The following PPP2R2B variants were observed in gnomAD, a reference collection of about 807,000 sequenced individuals.
PPP2R2B encodes the protein serine/threonine-protein phosphatase 2A 55 kDa regulatory subunit B beta isoform.
Under a neutral mutation model 46.0 loss-of-function variants are expected in PPP2R2B, and 5 were observed. The observed-to-expected ratio is 0.11, with a 90% CI of 0.06 to 0.23. PPP2R2B has a LOEUF of 0.23. Ranked by LOEUF, PPP2R2B falls within the 10% of genes least tolerant of loss-of-function variation. PPP2R2B has a pLI of 1.00. For missense variants in PPP2R2B, 367 were observed against 575.0 expected, an observed-to-expected ratio of 0.64 and a Z score of 3.70; for synonymous variants, 215 against 206.7, an observed-to-expected ratio of 1.04 and a Z score of -0.34.
intron 2 of PPP2R2B, among the ~76,000 whole-genome samples, chr5:147,077,195 TATTA>T (rs1472957031): frequency 2.1e-5 from 3 of 142,034 alleles, no homozygotes; most frequent in African/African-American, 8.2e-5. Context: ...GTATATTATA[TATTA>T]TATATGTACA....
chr5:146,988,704 G>T (rs1042822680), intron 1 of PPP2R2B, among the ~76,000 whole-genome samples: 65 of 151,326 alleles, frequency 4.3e-4, no homozygotes, highest in African/African-American at 1.6e-3. Context: ...ATACCTCAAG[G>T]AACTAGAAAA....
chr5:146,912,877 T>C (rs1170529274), intron 1 of PPP2R2B, among the ~76,000 whole-genome samples: 1 of 152,184 alleles, frequency 6.6e-6, no homozygotes, highest in Non-Finnish European at 1.5e-5. Context: ...GTCTCTTCAA[T>C]GTGTCAAGTA....
At chr5:146,771,778 C>A (rs1324145141) in intron 2 of PPP2R2B, among the ~76,000 whole-genome samples, 2 of 152,160 alleles carry the variant, frequency 1.3e-5, no homozygotes, top group Non-Finnish European at 2.9e-5. Context: ...TCCCCTACTG[C>A]AGTTAAAAGA....
intron 1 of PPP2R2B, among the ~76,000 whole-genome samples, chr5:146,963,269 T>C (rs1360072985): frequency 6.6e-6 from 1 of 152,204 alleles, no homozygotes; most frequent in Non-Finnish European, 1.5e-5. Flanking sequence ...AGGTTTTGTG[T>C]AGTGAAACAT....
chr5:146,816,401 AAAC>A (rs1218153596), intron 2 of PPP2R2B, among the ~76,000 whole-genome samples: 3 of 152,220 alleles, frequency 2.0e-5, no homozygotes, highest in Non-Finnish European at 4.4e-5. Flanking sequence ...CTATCTCCAA[AAAC>A]AACAATACTG....
At chr5:146,700,059 A>G (rs1345954741) in intron 3 of PPP2R2B, among the ~76,000 whole-genome samples, 1 of 152,164 alleles carries the variant, frequency 6.6e-6, no homozygotes, top group Admixed American at 6.5e-5. Context: ...TTAATTGCAA[A>G]TAATGTGCAA....
chr5:146,592,052 T>C, intron 9 of PPP2R2B: 1 of 414,750 alleles, frequency 2.4e-6, no homozygotes, highest in Non-Finnish European at 4.7e-6. Context: ...TAAATACCTA[T>C]AAATAAATAA....
intron 2 of PPP2R2B, among the ~76,000 whole-genome samples, chr5:146,863,650 A>G (rs1366353428): frequency 1.4e-5 from 2 of 147,840 alleles, no homozygotes; most frequent in African/African-American, 5.2e-5. Flanking sequence ...CTATCCATCC[A>G]TCCATCCATC....
chr5:146,810,106 C>T (rs886494338), intron 2 of PPP2R2B, among the ~76,000 whole-genome samples: 2 of 152,120 alleles, frequency 1.3e-5, no homozygotes, highest in African/African-American at 4.8e-5. Context: ...ATTTGCAAGC[C>T]TGACAATTAG....
At chr5:147,046,468 A>G (rs1756548858) in intron 1 of PPP2R2B, among the ~76,000 whole-genome samples, 1 of 152,198 alleles carries the variant, frequency 6.6e-6, no homozygotes, top group Admixed American at 6.6e-5. Context: ...TGACTCAGAA[A>G]ACTAATGAGC....
intron 2 of PPP2R2B, among the ~76,000 whole-genome samples, chr5:146,726,376 G>A (rs992907442): frequency 1.3e-5 from 2 of 152,146 alleles, no homozygotes; most frequent in African/African-American, 4.8e-5. Context: ...TGGCTCTAGC[G>A]AGTTTATAGT....
At chr5:146,925,481 A>G (rs1763752642) in intron 1 of PPP2R2B, among the ~76,000 whole-genome samples, 1 of 152,086 alleles carries the variant, frequency 6.6e-6, no homozygotes, top group Admixed American at 6.5e-5. Flanking sequence ...TCTGGCATCC[A>G]TGGTTTTAGA....
At chr5:146,610,128 C>G (rs572158938) in intron 7 of PPP2R2B, among the ~76,000 whole-genome samples, 928 of 50,392 alleles carry the variant, frequency 0.018, 67 homozygotes, top group African/African-American at 0.11. Flanking sequence ...CAGTGGTTCT[C>G]CCAGCACGCA....
chr5:146,783,812 G>A (rs1755678867), intron 2 of PPP2R2B, among the ~76,000 whole-genome samples: 1 of 152,184 alleles, frequency 6.6e-6, no homozygotes, highest in Non-Finnish European at 1.5e-5. Flanking sequence ...TTCCATCCCA[G>A]AGCACTGCAG....
chr5:146,788,536 GC>G (rs1273989285), intron 2 of PPP2R2B, among the ~76,000 whole-genome samples: 1 of 152,150 alleles, frequency 6.6e-6, no homozygotes, highest in Non-Finnish European at 1.5e-5. Context: ...TTCAAGACCA[GC>G]CCAGCCAACA....
At chr5:146,749,767 T>C (rs533433470) in intron 2 of PPP2R2B, among the ~76,000 whole-genome samples, 1 of 151,922 alleles carries the variant, frequency 6.6e-6, no homozygotes, top group African/African-American at 2.4e-5. Context: ...CCCGGCTAAT[T>C]TTTTGTATTT....
At chr5:146,733,045 G>C (rs1214586306) in intron 2 of PPP2R2B, among the ~76,000 whole-genome samples, 3 of 152,106 alleles carry the variant, frequency 2.0e-5, no homozygotes, top group Non-Finnish European at 1.5e-5. Flanking sequence ...ATTATTCTTG[G>C]CTCTAGATAC....
At chr5:146,855,057 C>G (rs192853047) in intron 2 of PPP2R2B, among the ~76,000 whole-genome samples, 22 of 152,160 alleles carry the variant, frequency 1.4e-4, no homozygotes, top group African/African-American at 5.3e-4. Flanking sequence ...CCACTCAAAG[C>G]TATTCAGTTT....
chr5:146,805,575 A>G (rs2151310781), intron 2 of PPP2R2B, among the ~76,000 whole-genome samples: 1 of 152,344 alleles, frequency 6.6e-6, no homozygotes, highest in Non-Finnish European at 1.5e-5. Context: ...AGCCCTCTTT[A>G]TTCAATGAGT....
Sources: gnomAD v4.1 joint callset for allele counts (sites outside exome capture counted in the v4.1 genomes callset) on GRCh38, gnomAD v4.1.1 for gene constraint, MANE v1.5 for transcripts, NCBI Gene and HGNC (gene_info 2026-07-23, HGNC 2026-07-21) for gene names.